Variants in NSUN7 observed in about 807,000 individuals in gnomAD.
NSUN7 encodes NOP2/Sun RNA methyltransferase family member 7.
A neutral mutation model predicts 58.5 loss-of-function variants in NSUN7; 39 were observed. The observed-to-expected ratio is 0.67, with a 90% CI of 0.52 to 0.87. The LOEUF is 0.87. NSUN7 is among the 40% of genes least tolerant of loss of function. The probability of loss-of-function intolerance (pLI) is 0.00; values close to 1 mark genes in which losing one functional copy is unlikely to be tolerated. For missense variants in NSUN7, 765 were observed against 844.1 expected, an observed-to-expected ratio of 0.91 and a Z score of 1.16; for synonymous variants, 278 against 303.7, an observed-to-expected ratio of 0.92 and a Z score of 0.88.
At chr4:40,780,754 TACACACACACAC>T (rs796117262) in intron 7 of NSUN7, among the ~76,000 whole-genome samples, 2 of 104,242 alleles carry the variant, frequency 1.9e-5, no homozygotes, top group Non-Finnish European at 3.5e-5. Flanking sequence ...AACATTGAAA[TACACACACACAC>T]ACACACACAC....
At chr4:40,754,155 T>G (rs958277477) in intron 2 of NSUN7, among the ~76,000 whole-genome samples, 1 of 151,788 alleles carries the variant, frequency 6.6e-6, no homozygotes, top group Non-Finnish European at 1.5e-5. Flanking sequence ...CCTTTTTTTT[T>G]TTTTTTGAGA....
Position 40,809,161 on chromosome 4 carries a change from T to C in NSUN7, c.*222T>C. The C allele has an allele frequency of 2.1e-6, 1 of 481,984 alleles. No homozygotes were observed. Among genetic ancestry groups the C allele is most frequent in the Non-Finnish European group, 3.6e-6 (1 of 275,020 alleles). 29.9% of individuals were successfully genotyped at this position (481,984 alleles called of 1,614,324 possible). On this transcript the variant is annotated 3_prime_UTR_variant, in exon 12 of 12. Transcript: ENST00000381782. ...AGACTTCAGCCAATCACTGCTGCTC[T>C]GAGAGGATCCAGTTAGAGACTCAGT...
rs1457941627 is a variant in NSUN7, at chr4:40,807,077, C to G, written c.1417C>G (p.Leu473Val). 1 of 1,551,708 alleles carries G rather than the reference C, an allele frequency of 6.4e-7. No homozygotes were observed. Among genetic ancestry groups the G allele is most frequent in the South Asian group, 1.2e-5 (1 of 83,974 alleles). Reference protein sequence around the residue: ...GQPYRLSPPVLPLCSLKEIQL... With the variant: ...GQPYRLSPPVVPLCSLKEIQL... The stretch of plus-strand genomic sequence containing the variant: ...CTGCTGCAGGCTTAGTCCTCCTGTT[C>G]TTCCACTGTGCTCCTTAAAGGAAAT... The change falls in exon 11 of 12, where the codon CTT becomes GTT. Residue 473 changes from leucine to valine, a missense_variant. Leu to Val is a conservative substitution (Grantham distance 32). Transcript: ENST00000381782.
Position 40,790,618 on chromosome 4 carries a change from T to C in NSUN7, c.1053T>C (p.His351=). The change falls in exon 8 of 12, where the codon CAT becomes CAC. Residue 351 remains histidine, a synonymous_variant. Transcript: ENST00000381782. ...KIGCKNIEIL[H]EKFINIESKD... ...TTTCCCCAGATATTGAAATACTTCA[T>C]GAGAAATTTATTAACATTGAATCAA... The C allele has an allele frequency of 6.4e-7, 1 of 1,556,998 alleles. No homozygotes were observed. The highest frequency in any genetic ancestry group is 8.7e-7 in the Non-Finnish European group (1 of 1,147,296).
chr4:40,808,996 T>C lies in NSUN7; in HGVS notation c.*57T>C, dbSNP rs1744031008. ...CAGTTGATTTTTTTTCAAAGTCTAGTATTTCTCTGAAGATTCTACATCTCT... is the reference window on the plus strand; with the variant it reads ...CAGTTGATTTTTTTTCAAAGTCTAGCATTTCTCTGAAGATTCTACATCTCT... On this transcript the variant is annotated 3_prime_UTR_variant, in exon 12 of 12. Transcript: ENST00000381782. 1 of 1,434,302 alleles carries C rather than the reference T, an allele frequency of 7.0e-7. No individual in the cohort carries two copies. Among genetic ancestry groups the C allele is most frequent in the African/African-American group, 1.4e-5 (1 of 69,800 alleles). The allele number at this position is 1,434,302 out of a possible 1,614,324, so 88.8% of individuals were successfully genotyped here. A position where few individuals can be genotyped will look rare whatever the true frequency, so the allele number is the denominator to read the frequency against.
intron 1 of NSUN7, 129 bp from the exon 2 acceptor site, chr4:40,750,474 T>G (rs1578134087): frequency 2.6e-6 from 1 of 381,850 alleles, no homozygotes. Flanking sequence ...CGTCCCAGGC[T>G]CGAAGTCTGG....
intron 4 of NSUN7, among the ~76,000 whole-genome samples, chr4:40,771,517 A>T (rs1742008295): frequency 6.6e-6 from 1 of 152,136 alleles, no homozygotes; most frequent in South Asian, 2.1e-4. Context: ...GAAAGAGGAG[A>T]TGTGACATGG....
At chr4:40,772,718 A>T (rs1313290814) in intron 4 of NSUN7, among the ~76,000 whole-genome samples, 1 of 152,102 alleles carries the variant, frequency 6.6e-6, no homozygotes, top group Non-Finnish European at 1.5e-5. Context: ...CTCATTTACT[A>T]CCCCTCTTGT....
intron 4 of NSUN7, among the ~76,000 whole-genome samples, chr4:40,763,322 CT>C (rs1404179905): frequency 6.6e-6 from 1 of 152,184 alleles, no homozygotes; most frequent in African/African-American, 2.4e-5. Flanking sequence ...CGCCTGTTTA[CT>C]TTGTGTCTGG....
At chr4:40,781,372 C>T (rs903319056) in intron 7 of NSUN7, among the ~76,000 whole-genome samples, 2 of 152,072 alleles carry the variant, frequency 1.3e-5, no homozygotes, top group Non-Finnish European at 2.9e-5. Flanking sequence ...ACATTAAACA[C>T]ATTTAAAATA....
chr4:40,766,449 A>G (rs1296307154), intron 4 of NSUN7, among the ~76,000 whole-genome samples: 9 of 151,784 alleles, frequency 5.9e-5, no homozygotes, highest in African/African-American at 1.2e-4. Flanking sequence ...ATCATGGTGG[A>G]TAAGCTTTTT....
chr4:40,786,298 T>C, intron 7 of NSUN7: 1 of 1,613,032 alleles, frequency 6.2e-7, no homozygotes, highest in Non-Finnish European at 8.5e-7. Context: ...TAAGGTAACC[T>C]TGGGAAATTC....
intron 4 of NSUN7, among the ~76,000 whole-genome samples, chr4:40,771,194 G>A (rs757604844): frequency 2.5e-4 from 38 of 152,278 alleles, no homozygotes; most frequent in South Asian, 8.3e-4. Flanking sequence ...GTGATGTAGC[G>A]ATGCTTCTGC....
rs1451153684 is a variant in NSUN7, at chr4:40,750,587, CCTT to C, written c.-91-13_-91-11del. ...CAGAAAGAGTGATTTACTGCAATCA[CCTT>C]CTCTCTTCACAGAGACCATGCTGCA... On this transcript the variant is annotated splice_polypyrimidine_tract_variant and intron_variant, in intron 1 of 11. Transcript: ENST00000381782. 7.9e-5 allele frequency: 106 copies of C among 1,344,410 alleles called. 2 individuals carry two copies. In the South Asian group the frequency reaches 1.1e-3, roughly 13 times the overall value. 83.3% of individuals were successfully genotyped at this position (1,344,410 alleles called of 1,614,324 possible). A position where few individuals can be genotyped will look rare whatever the true frequency, so the allele number is the denominator to read the frequency against.
chr4:40,774,701 G>A, intron 5 of NSUN7, 66 bp from the exon 6 acceptor site: 1 of 985,630 alleles, frequency 1.0e-6, no homozygotes, highest in Non-Finnish European at 1.5e-6. Flanking sequence ...GGAAAAAGGT[G>A]TTAGTGTTAA....
intron 8 of NSUN7, among the ~76,000 whole-genome samples, chr4:40,793,279 TA>T (rs1021097914): frequency 6.6e-6 from 1 of 151,932 alleles, no homozygotes; most frequent in Non-Finnish European, 1.5e-5. Context: ...CAGTCTCTAC[TA>T]AAAATACAAA....
Position 40,750,848 on chromosome 4 carries a change from A to T in NSUN7, c.155A>T (p.Asn52Ile). 1.2e-6 allele frequency: 2 copies of T among 1,614,238 alleles called. No homozygotes were observed. The highest frequency in any genetic ancestry group is 1.7e-6 in the Non-Finnish European group (2 of 1,180,040). ...GACTCCGTTTATGTCATGGCAGCCA[A>T]CATTTTTCAGGGTATTCGAATCGAA... ...YPDSVYVMAA[N>I]IFQGIRIEKS... The change falls in exon 2 of 12, where the codon AAC (asparagine) becomes ATC (isoleucine). Residue 52 changes from asparagine to isoleucine, a missense_variant. By Grantham distance (149) the Asn-to-Ile change is moderately radical (BLOSUM62 -3). Transcript: ENST00000381782.
chr4:40,806,964 A>G, intron 10 of NSUN7, 97 bp from the exon 11 acceptor site: 2 of 1,273,558 alleles, frequency 1.6e-6, no homozygotes, highest in Admixed American at 2.7e-5. Flanking sequence ...AACGATTGGT[A>G]AAGTATACTA....
chr4:40,763,136 A>G (rs1577547575), intron 4 of NSUN7, among the ~76,000 whole-genome samples: 1 of 152,136 alleles, frequency 6.6e-6, no homozygotes. Flanking sequence ...AACTTCAACC[A>G]TTTATATGCT....
Sources: allele counts gnomAD v4.1 joint callset (sites outside exome capture counted in the v4.1 genomes callset), GRCh38; gene constraint gnomAD v4.1.1; transcripts MANE v1.5; gene names NCBI Gene and HGNC (gene_info 2026-07-23, HGNC 2026-07-21).